The following CD48 variants were observed in gnomAD, a reference collection of about 807,000 sequenced individuals.
CD48 encodes the protein CD48 molecule, also known as CD48 antigen.
CD48 carries 20 observed loss-of-function variants against 22.0 expected under a neutral mutation model. The observed-to-expected ratio is 0.91, with a 90% CI of 0.64 to 1.32. The LOEUF (loss-of-function observed/expected upper bound fraction) is 1.32, where lower values mean the gene tolerates loss of function less well. Ranked by LOEUF, CD48 falls within the 40% of genes most tolerant of loss-of-function variation. CD48 has a pLI of 0.00. For missense variants in CD48, 307 were observed against 286.5 expected (o/e 1.07, Z -0.52); for synonymous variants, 110 against 110.1 (o/e 1.00, Z 0.01).
chr1:160,703,529 A>G (rs1662698013), intron 1 of CD48, among the ~76,000 whole-genome samples: 1 of 152,150 alleles, frequency 6.6e-6, no homozygotes, highest in South Asian at 2.1e-4. Context: ...TGAAGAGAGA[A>G]GAATTAGCAT....
At chr1:160,681,490 TAAG>T in intron 2 of CD48, 22 bp from the exon 3 acceptor site, 1 of 1,610,194 alleles carries the variant, frequency 6.2e-7, no homozygotes, top group Non-Finnish European at 8.5e-7. Flanking sequence ...GAGGATGTTA[TAAG>T]ATGAGACAGT....
chr1:160,682,951 T>C (rs748934468), intron 2 of CD48, among the ~76,000 whole-genome samples: 11 of 152,202 alleles, frequency 7.2e-5, no homozygotes, highest in Middle Eastern at 3.2e-3. Context: ...TGGCAGAGAA[T>C]TGACCAGATC....
intron 3 of CD48, chr1:160,680,644 C>T: frequency 2.0e-6 from 2 of 1,008,268 alleles, no homozygotes; most frequent in African/African-American, 1.7e-5. Context: ...AATCTGGCTT[C>T]CTAAGTTCAT....
At chr1:160,687,191 G>C (rs1240648512) in intron 1 of CD48, among the ~76,000 whole-genome samples, 2 of 152,084 alleles carry the variant, frequency 1.3e-5, no homozygotes, top group African/African-American at 2.4e-5. Context: ...GAGAAATATG[G>C]CTCTGTTCTG....
At chr1:160,680,894 T>C in intron 3 of CD48, 1 of 1,407,248 alleles carries the variant, frequency 7.1e-7, no homozygotes, top group Middle Eastern at 2.7e-4. Flanking sequence ...CAGTCTACTC[T>C]ATGATGACCC....
At chr1:160,700,781 A>G (rs1442729690) in intron 1 of CD48, among the ~76,000 whole-genome samples, 3 of 152,168 alleles carry the variant, frequency 2.0e-5, no homozygotes, top group African/African-American at 7.2e-5. Flanking sequence ...AAAGTTTTTA[A>G]AGAATCTCTC....
intron 1 of CD48, among the ~76,000 whole-genome samples, chr1:160,700,093 G>T (rs755685075): frequency 9.2e-5 from 14 of 152,146 alleles, no homozygotes; most frequent in Non-Finnish European, 1.5e-4. Context: ...TTGAGCAGAA[G>T]TATAAGAGGT....
At position 160,684,622 on chromosome 1, in the gene CD48, G is replaced by GA. The variant is rs1661922394; in HGVS notation, c.385+264dup. On this transcript the variant is annotated intron_variant, in intron 2 of 3. Coordinates refer to ENST00000368046, the MANE Select transcript of CD48 (RefSeq NM_001778.4). ...TCACAGGACAAAATGAAGGAAATAG[G>GA]AAAAATCTCTAGTTTTCCTTCTCTT... 5 of 1,122,278 alleles carry GA rather than the reference G, an allele frequency of 4.5e-6. No homozygotes were observed. The Admixed American group carries it at 1.5e-4, about 33-fold the overall frequency. 69.5% of individuals were successfully genotyped at this position (1,122,278 alleles called of 1,614,324 possible).
chr1:160,684,765 A>G (rs749054416), intron 2 of CD48, 122 bp downstream of exon 2: 1 of 1,609,766 alleles, frequency 6.2e-7, no homozygotes, highest in South Asian at 1.1e-5. Context: ...AAATGAATCA[A>G]ACCTGTCCTG....
intron 1 of CD48, among the ~76,000 whole-genome samples, chr1:160,691,226 A>G (rs1662203824): frequency 1.3e-5 from 2 of 152,052 alleles, no homozygotes; most frequent in Non-Finnish European, 2.9e-5. Context: ...GCTGAGGAGG[A>G]TTAGTATAAG....
intron 1 of CD48, among the ~76,000 whole-genome samples, chr1:160,703,241 C>T (rs1278530041): frequency 6.6e-6 from 1 of 152,164 alleles, no homozygotes; most frequent in African/African-American, 2.4e-5. Flanking sequence ...GGGGTTAGAA[C>T]AGCTTTTGCC....
chr1:160,689,768 G>C (rs909010221), intron 1 of CD48, among the ~76,000 whole-genome samples: 10 of 152,314 alleles, frequency 6.6e-5, no homozygotes, highest in Non-Finnish European at 1.0e-4. Context: ...CCTGAAGCTT[G>C]AGTCTTCTGG....
intron 1 of CD48, among the ~76,000 whole-genome samples, chr1:160,697,531 G>T (rs1292198155): frequency 6.6e-6 from 1 of 150,984 alleles, no homozygotes; most frequent in Non-Finnish European, 1.5e-5. Flanking sequence ...TCCAAAATTG[G>T]TTGGTAGAAG....
At chr1:160,684,049 C>T (rs1392014734) in intron 2 of CD48, 1 of 152,158 alleles carries the variant, frequency 6.6e-6, no homozygotes, top group Non-Finnish European at 1.5e-5. Flanking sequence ...GAGCAAAAGT[C>T]TAAGTTTTGA....
chr1:160,679,228 C>T, intron 3 of CD48, 97 bp from the exon 4 acceptor site: 1 of 910,018 alleles, frequency 1.1e-6, no homozygotes. Context: ...TGGGAGCTCA[C>T]AGAGCAGGGA....
chr1:160,679,764 G>T (rs929789910), intron 3 of CD48, among the ~76,000 whole-genome samples: 3 of 152,164 alleles, frequency 2.0e-5, no homozygotes, highest in African/African-American at 7.2e-5. Context: ...CAAAAAAAAT[G>T]GATTTATTAT....
intron 1 of CD48, among the ~76,000 whole-genome samples, chr1:160,707,973 T>C (rs1435492360): frequency 1.3e-5 from 2 of 152,102 alleles, no homozygotes; most frequent in Non-Finnish European, 2.9e-5. Context: ...TTCATTCCAG[T>C]GAATCAACAA....
intron 1 of CD48, among the ~76,000 whole-genome samples, chr1:160,702,556 C>T (rs575190982): frequency 6.6e-6 from 1 of 152,076 alleles, no homozygotes; most frequent in Non-Finnish European, 1.5e-5. Context: ...TTTACCTTTG[C>T]GACAACGTGG....
At chr1:160,705,159 G>T (rs1485859484) in intron 1 of CD48, among the ~76,000 whole-genome samples, 1 of 152,140 alleles carries the variant, frequency 6.6e-6, no homozygotes, top group African/African-American at 2.4e-5. Context: ...TGACCCCAGG[G>T]CTTTCAAGTT....
Sources: allele counts gnomAD v4.1 joint callset (sites outside exome capture counted in the v4.1 genomes callset), GRCh38; gene constraint gnomAD v4.1.1; transcripts MANE v1.5; gene names NCBI Gene and HGNC (gene_info 2026-07-23, HGNC 2026-07-21).